PCDH15: variants seen among roughly 807,000 people sequenced by gnomAD.
The protein encoded by PCDH15 is protocadherin-15.
A neutral mutation model predicts 178.5 loss-of-function variants in PCDH15; 129 were observed. The ratio of observed to expected loss-of-function variants is 0.72; its 90% CI spans 0.63 to 0.84. The LOEUF (loss-of-function observed/expected upper bound fraction) is 0.84. Ranked by LOEUF, PCDH15 falls within the 40% of genes least tolerant of loss-of-function variation. The pLI, the probability that PCDH15 is intolerant of heterozygous loss-of-function variation, is 0.00. For synonymous variants in PCDH15, 800 were observed against 732.0 expected, an observed-to-expected ratio of 1.09 and a Z score of -1.50; for missense variants, 2,230 against 2,099.9, an observed-to-expected ratio of 1.06 and a Z score of -1.21.
chr10:55,523,863 T>C (rs1167915984), intron 2 of PCDH15, among the ~76,000 whole-genome samples: 1 of 151,628 alleles, frequency 6.6e-6, no homozygotes, highest in Non-Finnish European at 1.5e-5. Context: ...GTTTTGAGGA[T>C]AGTAATGTCA....
intron 3 of PCDH15, among the ~76,000 whole-genome samples, chr10:54,475,019 T>C (rs2078182121): frequency 6.6e-6 from 1 of 151,996 alleles, no homozygotes; most frequent in Non-Finnish European, 1.5e-5. Context: ...CAATTTTATA[T>C]AATCTACAAC....
intron 8 of PCDH15, among the ~76,000 whole-genome samples, chr10:54,250,322 G>T (rs1274220459): frequency 1.7e-5 from 2 of 114,756 alleles, no homozygotes; most frequent in Non-Finnish European, 3.3e-5. Context: ...TCAACCAGTT[G>T]CCCAGGCTAG....
chr10:55,047,005 C>T (rs947632953), intron 2 of PCDH15, among the ~76,000 whole-genome samples: 40 of 151,972 alleles, frequency 2.6e-4, no homozygotes, highest in African/African-American at 8.9e-4. Flanking sequence ...AACATGACAG[C>T]TTGCAGCATT....
intron 25 of PCDH15, among the ~76,000 whole-genome samples, chr10:53,924,146 G>A (rs992069408): frequency 1.3e-5 from 2 of 152,162 alleles, no homozygotes; most frequent in Admixed American, 6.5e-5. Context: ...GGCCAAGGCC[G>A]GAGCCAGCTC....
At chr10:54,225,931 A>G (rs956589375) in intron 9 of PCDH15, among the ~76,000 whole-genome samples, 4 of 152,212 alleles carry the variant, frequency 2.6e-5, no homozygotes, top group African/African-American at 9.6e-5. Context: ...ACAAGTGTAC[A>G]GTGTGAAGGG....
intron 3 of PCDH15, among the ~76,000 whole-genome samples, chr10:54,846,292 C>A (rs1953510248): frequency 6.6e-6 from 1 of 152,058 alleles, no homozygotes; most frequent in African/African-American, 2.4e-5. Flanking sequence ...AATGGATAAT[C>A]TTCTAGAAAA....
intron 18 of PCDH15, among the ~76,000 whole-genome samples, chr10:54,058,219 C>T (rs1038428338): frequency 1.8e-4 from 28 of 152,078 alleles, no homozygotes; most frequent in African/African-American, 6.3e-4. Flanking sequence ...GGGTCTCTTT[C>T]CAGCAGCACC....
chr10:54,257,116 GTATC>G (rs1407236392), intron 8 of PCDH15, among the ~76,000 whole-genome samples: 1 of 151,990 alleles, frequency 6.6e-6, no homozygotes, highest in Non-Finnish European at 1.5e-5. Flanking sequence ...TAGTGTGTAT[GTATC>G]TATAACTGAT....
intron 18 of PCDH15, among the ~76,000 whole-genome samples, 190 bp downstream of exon 18, chr10:54,066,567 A>C (rs1470119067): frequency 4.6e-5 from 7 of 152,336 alleles, no homozygotes; most frequent in African/African-American, 1.7e-4. Flanking sequence ...ATAATTATAA[A>C]ATGTAAATCT....
chr10:55,157,098 A>T (rs1838909864), intron 2 of PCDH15, among the ~76,000 whole-genome samples: 1 of 148,918 alleles, frequency 6.7e-6, no homozygotes, highest in Non-Finnish European at 1.5e-5. Flanking sequence ...GTATCTTAAC[A>T]CATATGTGAA....
At chr10:54,908,917 C>A (rs1564621935) in intron 2 of PCDH15, among the ~76,000 whole-genome samples, 1 of 152,080 alleles carries the variant, frequency 6.6e-6, no homozygotes, top group Non-Finnish European at 1.5e-5. Context: ...CAGCTCTCAG[C>A]AGAGAGGGTA....
intron 3 of PCDH15, among the ~76,000 whole-genome samples, chr10:54,819,016 T>G (rs1420657706): frequency 6.6e-6 from 1 of 152,028 alleles, no homozygotes; most frequent in East Asian, 1.9e-4. Context: ...ACTTGAACTC[T>G]GGGGCTCAAG....
intron 1 of PCDH15, among the ~76,000 whole-genome samples, chr10:54,752,956 A>G (rs934365302): frequency 6.6e-6 from 1 of 152,226 alleles, no homozygotes; most frequent in Non-Finnish European, 1.5e-5. Context: ...AGAATCTTTA[A>G]AACTCCATGA....
At chr10:55,026,738 A>G (rs1840484843) in intron 2 of PCDH15, among the ~76,000 whole-genome samples, 1 of 151,976 alleles carries the variant, frequency 6.6e-6, no homozygotes, top group African/African-American at 2.4e-5. Flanking sequence ...GGAGAAGTCA[A>G]TATCTGGAGG....
intron 2 of PCDH15, among the ~76,000 whole-genome samples, chr10:55,453,353 T>C (rs1013677079): frequency 6.6e-6 from 1 of 152,194 alleles, no homozygotes; most frequent in Non-Finnish European, 1.5e-5. Flanking sequence ...GGATCTGACA[T>C]AGCACCTGTA....
chr10:54,795,599 G>C (rs1951874004), intron 1 of PCDH15, among the ~76,000 whole-genome samples: 1 of 151,698 alleles, frequency 6.6e-6, no homozygotes, highest in South Asian at 2.1e-4. Flanking sequence ...ACCAAATTTT[G>C]GACACTGAGC....
chr10:54,862,116 A>G lies in PCDH15; in HGVS notation c.-29+35334T>C, dbSNP rs983449616. The stretch of plus-strand genomic sequence containing the variant: ...AATTACATCATAGTTATATGTCTAT[A>G]TACATCATAGTAATACATCTATATA... On this transcript the variant is annotated intron_variant, in intron 3 of 5. Coordinates refer to the PCDH15 transcript ENST00000458638. Among the ~76,000 whole-genome samples the G allele has an allele frequency of 5.3e-5, 8 of 152,332 alleles. No individual in the cohort carries two copies. In the South Asian group the frequency reaches 8.3e-4, roughly 16 times the overall value.
rs76715950 is a variant in PCDH15 at position 55,293,300 on chromosome 10, A to G, written c.-156+26299T>C. ...CATAAAGATGCTGGGCCTGGCTTACAAAACCATTTTGTCCTCTTAGGCCTC... is the reference window on the plus strand; with the variant it reads ...CATAAAGATGCTGGGCCTGGCTTACGAAACCATTTTGTCCTCTTAGGCCTC... On this transcript the variant is annotated intron_variant, in intron 1 of 5. Transcript: ENST00000458638. Among the ~76,000 whole-genome samples the G allele has an allele frequency of 2.0e-5, 3 of 152,300 alleles. No individual in the cohort carries two copies. The East Asian group carries it at 5.8e-4, about 29-fold the overall frequency.
At chr10:55,297,204 AAG>A (rs1336063632) in intron 1 of PCDH15, among the ~76,000 whole-genome samples, 2 of 152,084 alleles carry the variant, frequency 1.3e-5, no homozygotes, top group Admixed American at 6.6e-5. Context: ...AGAAAAAAGA[AAG>A]AGAGAGATTG....
Sources: gnomAD v4.1 joint callset for allele counts (sites outside exome capture counted in the v4.1 genomes callset) on GRCh38, gnomAD v4.1.1 for gene constraint, MANE v1.5 for transcripts, NCBI Gene and HGNC (gene_info 2026-07-23, HGNC 2026-07-21) for gene names.